Variants in MEPCE observed in about 807,000 individuals in gnomAD.
MEPCE encodes methylphosphate capping enzyme.
In MEPCE, 9 loss-of-function variants were observed where a neutral mutation model predicts 52.3. The observed-to-expected ratio is 0.17, with a 90% CI of 0.10 to 0.30. The LOEUF (loss-of-function observed/expected upper bound fraction) is 0.30, where lower values mean the gene tolerates loss of function less well. Ranked by LOEUF, MEPCE falls within the 10% of genes least tolerant of loss-of-function variation. The probability of loss-of-function intolerance (pLI) is 1.00; values close to 1 mark genes in which losing one functional copy is unlikely to be tolerated. For synonymous variants in MEPCE, 477 were observed against 401.6 expected, an observed-to-expected ratio of 1.19 and a Z score of -2.25; for missense variants, 826 against 933.0, an observed-to-expected ratio of 0.89 and a Z score of 1.49.
Position 100,433,328 on chromosome 7 carries a change from A to G in MEPCE, c.1956A>G (p.Thr652=), listed in dbSNP as rs1314704092. The G allele has an allele frequency of 1.9e-6, 3 of 1,614,218 alleles. No individual in the cohort carries two copies. The highest frequency in any genetic ancestry group is 2.5e-6 in the Non-Finnish European group (3 of 1,180,042). Residue 652 remains threonine (T), a synonymous_variant, in exon 3 of 4, where the codon ACA becomes ACG. Coordinates refer to ENST00000310512, the MANE Select transcript of MEPCE (RefSeq NM_019606.6). ...CAGAGCAGTTCAGTTCCTACCTGAC[A>G]TCCCCAGACGTGGGCTTCTCCAGCT... ...LKPEQFSSYL[T]SPDVGFSSYE... is the part of the protein sequence containing the mutation.
At position 100,433,367 on chromosome 7, in the gene MEPCE, C is replaced by A. The variant is rs1423839144; in HGVS notation, c.1995C>A (p.Ala665=). 1 of 1,614,200 alleles carries A rather than the reference C, an allele frequency of 6.2e-7. No homozygotes were observed. The highest frequency in any genetic ancestry group is 1.3e-5 in the African/African-American group (1 of 75,054). Residue 665 remains alanine (A), a synonymous_variant, in exon 3 of 4, where the codon GCC becomes GCA. Coordinates refer to ENST00000310512, the MANE Select transcript of MEPCE (RefSeq NM_019606.6). The stretch of plus-strand genomic sequence containing the variant: ...GCTTCTCCAGCTATGAGCTTGTGGC[C>A]ACACCCCACAACACCTCTAAAGGTA... The part of the protein sequence containing the change: ...DVGFSSYELV[A]TPHNTSKGFQ...
chr7:100,430,533 G>C lies in MEPCE; in HGVS notation c.515G>C (p.Arg172Pro). The C allele has an allele frequency of 1.9e-6, 3 of 1,585,014 alleles. No homozygotes were observed. The East Asian group carries it at 6.7e-5, about 36-fold the overall frequency. The change falls in exon 1 of 4, where the codon CGG (arginine) becomes CCG (proline). Residue 172 changes from arginine (R) to proline (P), a missense_variant. This residue lies in a region of MEPCE where 314 missense variants were observed against 277.7 expected (regional missense o/e 1.13). Coordinates refer to ENST00000310512, the MANE Select transcript of MEPCE (RefSeq NM_019606.6). Reference protein sequence around the residue: ...FKHPAFKRRRRVNSDCDSVLP... With the variant: ...FKHPAFKRRRPVNSDCDSVLP... ...CATCCGGCCTTCAAGAGGCGCAGGC[G>C]GGTGAATTCGGACTGTGACTCTGTG... is the stretch of plus-strand genomic sequence containing the variant.
In MEPCE at chr7:100,431,552, G is replaced by C. The variant is rs1040242810; in HGVS notation, c.1534G>C (p.Glu512Gln). 6.2e-6 allele frequency: 10 copies of C among 1,612,774 alleles called. No homozygotes were observed. The highest frequency in any genetic ancestry group is 8.5e-6 in the Non-Finnish European group (10 of 1,180,030). ...LEGDPGAEGEEGTTTVRKRSC... is the reference protein window; with the variant it reads ...LEGDPGAEGEQGTTTVRKRSC... ...AGGGGACCCGGGGGCAGAGGGTGAG[G>C]AAGGGACCACCACCGTTCGAAAGAG... Residue 512 changes from glutamate (E) to glutamine (Q), a missense_variant, in exon 1 of 4, where the codon GAA becomes CAA. Around this residue, in one of 7 missense-constraint regions of MEPCE, gnomAD observed 107 missense variants for 157.9 expected, o/e 0.68. Coordinates refer to ENST00000310512, the MANE Select transcript of MEPCE (RefSeq NM_019606.6).
rs781600859 is a variant in MEPCE at position 100,433,065 on chromosome 7, C to T, written c.1818C>T (p.His606=). The T allele has an allele frequency of 1.5e-5, 24 of 1,613,922 alleles. No individual in the cohort carries two copies. The highest frequency in any genetic ancestry group is 1.6e-4 in the Middle Eastern group (1 of 6,084). The part of the protein sequence containing the change: ...LKRMFRRIYR[H]LRPGGILVLE... ...GCATGTTTCGCCGGATCTACCGGCA[C>T]CTACGCCCTGGGGGCATCCTGGTCC... Residue 606 remains histidine, a synonymous_variant, in exon 2 of 4, where the codon CAC becomes CAT. Transcript: ENST00000310512.
chr7:100,431,206 C>T lies in MEPCE; in HGVS notation c.1188C>T (p.His396=). The change falls in exon 1 of 4, where the codon CAC becomes CAT. Residue 396 remains histidine (H), a synonymous_variant. Coordinates refer to ENST00000310512, the MANE Select transcript of MEPCE (RefSeq NM_019606.6). ...GAGGGAGTTGGGGAGGCCGCCACCACCACCACCACCCACTGCCTGCAGCAG... is the reference window on the plus strand; with the variant it reads ...GAGGGAGTTGGGGAGGCCGCCACCATCACCACCACCCACTGCCTGCAGCAG... ...KGRGSWGGRH[H]HHHPLPAAGF... 1 of 1,613,882 alleles carries T rather than the reference C, an allele frequency of 6.2e-7. No homozygotes were observed. Among genetic ancestry groups the T allele is most frequent in the South Asian group, 1.1e-5 (1 of 91,092 alleles).
At chr7:100,432,737 G>C (rs1273488435) in intron 1 of MEPCE, among the ~76,000 whole-genome samples, 182 bp from the exon 2 acceptor site, 1 of 152,216 alleles carries the variant, frequency 6.6e-6, no homozygotes, top group African/African-American at 2.4e-5. Context: ...GCAGAGGCAG[G>C]AAGGTGTAGA....
chr7:100,430,452 G>C lies in MEPCE; in HGVS notation c.434G>C (p.Gly145Ala). Residue 145 changes from glycine (G) to alanine (A), a missense_variant, in exon 1 of 4, where the codon GGC becomes GCC. Gly to Ala is a moderately conservative substitution (Grantham distance 60). Around this residue, in one of 7 missense-constraint regions of MEPCE, gnomAD observed 314 missense variants for 277.7 expected, o/e 1.13. Coordinates refer to ENST00000310512, the MANE Select transcript of MEPCE (RefSeq NM_019606.6). ...CAGCCCCACCGGCCACCTGGGGGGG[G>C]CGGGGGCAAGAGGAGAAATAGCTGT... ...GYQPHRPPGG[G>A]GGKRRNSCNV... 1.3e-6 allele frequency: 2 copies of C among 1,557,180 alleles called. No homozygotes were observed. Among genetic ancestry groups the C allele is most frequent in the Non-Finnish European group, 1.7e-6 (2 of 1,154,918 alleles).
At chr7:100,429,813 A>G (rs1212090660), upstream of MEPCE, 12 of 408,726 alleles carry the variant, frequency 2.9e-5, no homozygotes, top group South Asian at 1.3e-4. Flanking sequence ...GTCCTCGAGT[A>G]GTTCGGGTCT....
In MEPCE at chr7:100,431,118, G is replaced by A. The variant is rs751147890; in HGVS notation, c.1100G>A (p.Arg367Lys). 1 of 1,613,630 alleles carries A rather than the reference G, an allele frequency of 6.2e-7. No homozygotes were observed. Among genetic ancestry groups the A allele is most frequent in the Non-Finnish European group, 8.5e-7 (1 of 1,180,046 alleles). The change falls in exon 1 of 4, where the codon AGG becomes AAG. Residue 367 changes from arginine to lysine, a missense_variant. By Grantham distance (26) the Arg-to-Lys change is conservative. Around this residue, in one of 7 missense-constraint regions of MEPCE, gnomAD observed 307 missense variants for 292.1 expected, o/e 1.05. Transcript: ENST00000310512. ...SSSSRHRKRR[R>K]TSSKSEAGAR... ...TCCTCCCGACATCGCAAACGTCGCA[G>A]GACTTCCAGCAAGTCGGAGGCAGGG...
chr7:100,433,169 TTTGG>T (rs747483414), intron 2 of MEPCE, 32 bp downstream of exon 2: 2 of 1,613,224 alleles, frequency 1.2e-6, no homozygotes, highest in South Asian at 2.2e-5. Context: ...TAGTCATTCC[TTTGG>T]TTGAGGCAAG....
chr7:100,429,750 C>T (rs1798484812), upstream of MEPCE: 4 of 360,272 alleles, frequency 1.1e-5, no homozygotes, highest in Non-Finnish European at 2.0e-5. Context: ...CGTGCGCGCT[C>T]GCGGCCGGGT....
intron 1 of MEPCE, among the ~76,000 whole-genome samples, chr7:100,432,570 C>T (rs1798749785): frequency 6.6e-6 from 1 of 152,208 alleles, no homozygotes; most frequent in Non-Finnish European, 1.5e-5. Flanking sequence ...GTTACCCTTG[C>T]AGAACCTGCA....
Position 100,430,872 on chromosome 7 carries a change from C to T in MEPCE, c.854C>T (p.Pro285Leu), listed in dbSNP as rs1328279523. The T allele has an allele frequency of 3.7e-6, 6 of 1,608,996 alleles. No individual in the cohort carries two copies. The highest frequency in any genetic ancestry group is 2.2e-5 in the East Asian group (1 of 44,782). ...AAGGSESHPV[P>L]PTAPLTPLLH... is the part of the protein sequence containing the mutation. Reference sequence around the variant, plus strand: ...GGAGGGAGTGAGAGTCACCCCGTGCCGCCCACAGCCCCTCTCACCCCCTTA... The same window carrying T: ...GGAGGGAGTGAGAGTCACCCCGTGCTGCCCACAGCCCCTCTCACCCCCTTA... The change falls in exon 1 of 4, where the codon CCG (proline) becomes CTG (leucine). Residue 285 changes from proline (P) to leucine (L), a missense_variant. Physicochemically the swap from Pro to Leu is moderately conservative, Grantham distance 98 (BLOSUM62 -3). Transcript: ENST00000310512.
In MEPCE at chr7:100,431,398, C is replaced by A; in HGVS notation, c.1380C>A (p.Ser460Arg). The A allele has an allele frequency of 6.2e-7, 1 of 1,614,160 alleles. No homozygotes were observed. Among genetic ancestry groups the A allele is most frequent in the African/African-American group, 1.3e-5 (1 of 75,068 alleles). The change falls in exon 1 of 4, where the codon AGC becomes AGA. Residue 460 changes from serine to arginine, a missense_variant. Ser to Arg is a moderately radical substitution (Grantham distance 110). Transcript: ENST00000310512. Reference sequence around the variant, plus strand: ...GCAATGTGGGCCATCTGACCCTGAGCATTGCCTGCAAGTGGGGCCCGTCCC... The same window carrying A: ...GCAATGTGGGCCATCTGACCCTGAGAATTGCCTGCAAGTGGGGCCCGTCCC... Reference protein sequence around the residue: ...LGCNVGHLTLSIACKWGPSRM... With the variant: ...LGCNVGHLTLRIACKWGPSRM...
Position 100,431,124 on chromosome 7 carries a change from C to A in MEPCE, c.1106C>A (p.Ser369Tyr), listed in dbSNP as rs780829114. 3 of 1,613,790 alleles carry A rather than the reference C, an allele frequency of 1.9e-6. No homozygotes were observed. The highest frequency in any genetic ancestry group is 1.3e-5 in the African/African-American group (1 of 75,052). The change falls in exon 1 of 4, where the codon TCC (serine) becomes TAC (tyrosine). Residue 369 changes from serine (S) to tyrosine (Y), a missense_variant. By Grantham distance (144) the Ser-to-Tyr change is moderately radical (BLOSUM62 -2). Around this residue, in one of 7 missense-constraint regions of MEPCE, gnomAD observed 307 missense variants for 292.1 expected, o/e 1.05. Transcript: ENST00000310512. ...CGACATCGCAAACGTCGCAGGACTTCCAGCAAGTCGGAGGCAGGGGCTAGG... is the reference window on the plus strand; with the variant it reads ...CGACATCGCAAACGTCGCAGGACTTACAGCAAGTCGGAGGCAGGGGCTAGG... Reference protein sequence around the residue: ...SSRHRKRRRTSSKSEAGARGG... With the variant: ...SSRHRKRRRTYSKSEAGARGG...
Position 100,433,568 on chromosome 7 carries a change from CAGAA to C in MEPCE, c.*17_*20del. 2 of 1,612,246 alleles carry C rather than the reference CAGAA, an allele frequency of 1.2e-6. No individual in the cohort carries two copies. The highest frequency in any genetic ancestry group is 1.7e-6 in the Non-Finnish European group (2 of 1,179,778). ...CCCAGCCACTAAGTGGCCCCCTAAACAGAAAGTGTGAAGAGGCTGCCCTCGCTGC... is the reference window on the plus strand; with the variant it reads ...CCCAGCCACTAAGTGGCCCCCTAAACAGTGTGAAGAGGCTGCCCTCGCTGC... On this transcript the variant is annotated 3_prime_UTR_variant, in exon 4 of 4. Transcript: ENST00000310512.
rs759493127 is a variant in MEPCE at position 100,432,970 on chromosome 7, T to A, written c.1723T>A (p.Tyr575Asn). ...DDLVEAQTPE[Y>N]DVVLCLSLTK... The stretch of plus-strand genomic sequence containing the variant: ...CCTGGTGGAGGCCCAAACACCTGAG[T>A]ATGATGTGGTGCTCTGCCTCAGCCT... Residue 575 changes from tyrosine to asparagine, a missense_variant, in exon 2 of 4, where the codon TAT (tyrosine) becomes AAT (asparagine). By Grantham distance (143) the Tyr-to-Asn change is moderately radical. Coordinates refer to ENST00000310512, the MANE Select transcript of MEPCE (RefSeq NM_019606.6). 1 of 1,613,940 alleles carries A rather than the reference T, an allele frequency of 6.2e-7. No individual in the cohort carries two copies. The highest frequency in any genetic ancestry group is 8.5e-7 in the Non-Finnish European group (1 of 1,180,016).
chr7:100,430,339 C>T lies in MEPCE; in HGVS notation c.321C>T (p.Ala107=), dbSNP rs1798605276. 10 of 1,426,242 alleles carry T rather than the reference C, an allele frequency of 7.0e-6. No homozygotes were observed. Among genetic ancestry groups the T allele is most frequent in the Non-Finnish European group, 8.2e-6 (9 of 1,093,106 alleles). 88.3% of individuals were successfully genotyped at this position (1,426,242 alleles called of 1,614,324 possible). ...GCCTGTCGGATCCCCCGGGGCGAGC[C>T]GCTCCCCCGGACGTGGGGGAGGAGC... ...EARLSDPPGR[A]APPDVGEERR... is the part of the protein sequence containing the mutation. Residue 107 remains alanine, a synonymous_variant, in exon 1 of 4, where the codon GCC becomes GCT. Coordinates refer to ENST00000310512, the MANE Select transcript of MEPCE (RefSeq NM_019606.6).
Position 100,430,763 on chromosome 7 carries a change from C to T in MEPCE, c.745C>T (p.His249Tyr), listed in dbSNP as rs1192511691. The part of the protein sequence containing the change: ...LSLNTCTDEG[H>Y]VVLASPLKTG... ...TCTCAATACTTGCACTGATGAGGGCCATGTAGTTCTTGCTTCGCCACTCAA... is the reference window on the plus strand; with the variant it reads ...TCTCAATACTTGCACTGATGAGGGCTATGTAGTTCTTGCTTCGCCACTCAA... Residue 249 changes from histidine to tyrosine, a missense_variant, in exon 1 of 4, where the codon CAT becomes TAT. This residue lies in a region of MEPCE where 307 missense variants were observed against 292.1 expected (regional missense o/e 1.05). Transcript: ENST00000310512. 1.9e-6 allele frequency: 3 copies of T among 1,613,752 alleles called. No individual in the cohort carries two copies. The highest frequency in any genetic ancestry group is 2.5e-6 in the Non-Finnish European group (3 of 1,180,026).
Sources: gnomAD v4.1 joint callset for allele counts (sites outside exome capture counted in the v4.1 genomes callset) on GRCh38, gnomAD v4.1.1 for gene constraint, gnomAD v4.1.1 regional missense constraint, MANE v1.5 for transcripts, NCBI Gene and HGNC (gene_info 2026-07-23, HGNC 2026-07-21) for gene names.